Variants in ADORA1 observed in about 807,000 individuals in gnomAD.
ADORA1 encodes the protein adenosine A1 receptor.
In ADORA1, 6 loss-of-function variants were observed where a neutral mutation model predicts 19.9. The ratio of observed to expected loss-of-function variants is 0.30; its 90% CI spans 0.17 to 0.59. The LOEUF (loss-of-function observed/expected upper bound fraction) is 0.59, where lower values mean the gene tolerates loss of function less well. Among genes scored for constraint, ADORA1 ranks in the 20% least tolerant of loss-of-function variants. ADORA1 has a pLI of 0.87. For missense variants in ADORA1, 302 were observed against 439.2 expected (o/e 0.69, Z 2.79); for synonymous variants, 194 against 188.4 (o/e 1.03, Z -0.24).
At position 203,165,562 on chromosome 1, in the gene ADORA1, G is replaced by C. The variant is rs1314427155; in HGVS notation, c.643G>C (p.Val215Leu). ...YLIRKQLNKK[V>L]SASSGDPQKY... ...AATCCGCAAGCAGCTCAACAAGAAG[G>C]TGTCGGCCTCCTCCGGCGACCCGCA... is the stretch of plus-strand genomic sequence containing the variant. The change falls in exon 4 of 4, where the codon GTG becomes CTG. Residue 215 changes from valine to leucine, a missense_variant. By Grantham distance (32) the Val-to-Leu change is conservative. Transcript: ENST00000337894. The surrounding 1 kb of genome is among the most constrained non-coding windows in gnomAD (Gnocchi z 5.9). The C allele has an allele frequency of 1.2e-6, 2 of 1,613,972 alleles. No individual in the cohort carries two copies. The highest frequency in any genetic ancestry group is 2.2e-5 in the East Asian group (1 of 44,870).
chr1:203,144,281 A>G (rs1316919425), intron 3 of ADORA1, among the ~76,000 whole-genome samples: 2 of 152,114 alleles, frequency 1.3e-5, no homozygotes, highest in South Asian at 2.1e-4. Context: ...CGTGTGAGCA[A>G]TTTGAAAGTG....
intron 3 of ADORA1, among the ~76,000 whole-genome samples, chr1:203,143,631 C>A (rs1042694822): frequency 2.0e-5 from 3 of 152,128 alleles, no homozygotes; most frequent in East Asian, 1.9e-4. Flanking sequence ...GGCTTCCAGA[C>A]CTTTCCTTCA....
At chr1:203,152,645 T>A (rs1655074675) in intron 3 of ADORA1, 1 of 152,264 alleles carries the variant, frequency 6.6e-6, no homozygotes, top group Admixed American at 6.5e-5. Flanking sequence ...TAATTGGCCT[T>A]GCTCCTTTTG....
intron 3 of ADORA1, among the ~76,000 whole-genome samples, chr1:203,150,209 G>T (rs766178476): frequency 6.6e-6 from 1 of 152,198 alleles, no homozygotes; most frequent in Non-Finnish European, 1.5e-5. Flanking sequence ...CCCACTGGGT[G>T]AGCCTGGGTG....
chr1:203,141,706 G>A (rs3766564), intron 3 of ADORA1, among the ~76,000 whole-genome samples: 1,769 of 149,510 alleles, frequency 0.012, 48 homozygotes, highest in East Asian at 0.095. Context: ...TCAGCCTCTC[G>A]AGTAGCTGGA....
chr1:203,141,210 T>C (rs1654675823), intron 3 of ADORA1, among the ~76,000 whole-genome samples: 2 of 137,582 alleles, frequency 1.5e-5, no homozygotes, highest in Non-Finnish European at 1.7e-5. Context: ...CATCCTGGCC[T>C]GCTCGTGGCA....
chr1:203,133,553 T>C (rs1184268231), intron 3 of ADORA1, among the ~76,000 whole-genome samples: 1 of 152,268 alleles, frequency 6.6e-6, no homozygotes, highest in Non-Finnish European at 1.5e-5. Flanking sequence ...AGCCCATGTG[T>C]ATCTTGCGTC....
chr1:203,134,936 C>T (rs6427993), intron 3 of ADORA1, among the ~76,000 whole-genome samples: 20,219 of 152,136 alleles, frequency 0.13, 2,529 homozygotes, highest in African/African-American at 0.31. Flanking sequence ...ATTTTTATGG[C>T]GGTATAATAT....
chr1:203,161,446 CTAAA>C (rs1486091542), intron 3 of ADORA1, among the ~76,000 whole-genome samples: 2 of 152,092 alleles, frequency 1.3e-5, no homozygotes, highest in East Asian at 1.9e-4. Context: ...TCTCAATAAA[CTAAA>C]TAAATAAATA....
chr1:203,133,887 A>C (rs531282813), intron 3 of ADORA1, among the ~76,000 whole-genome samples: 1 of 152,204 alleles, frequency 6.6e-6, no homozygotes, highest in Non-Finnish European at 1.5e-5. Flanking sequence ...AGCTGTCCCC[A>C]CCCTGGCTAG....
intron 3 of ADORA1, among the ~76,000 whole-genome samples, chr1:203,135,475 A>G (rs1393635416): frequency 2.0e-5 from 3 of 152,104 alleles, no homozygotes; most frequent in African/African-American, 7.2e-5. Flanking sequence ...CTTGGCCAGC[A>G]TGGTGAAATG....
Position 203,153,656 on chromosome 1 carries a change from C to T in ADORA1, c.342-11605C>T, listed in dbSNP as rs898407836. Among the ~76,000 whole-genome samples the T allele has an allele frequency of 1.6e-4, 24 of 152,248 alleles. No homozygotes were observed. In the South Asian group the frequency reaches 1.7e-3, roughly 11 times the overall value. Reference sequence around the variant, plus strand: ...AGTGATGCCACAGAGCCCCTCACAGCGGGATTCAAGGCAGGATTCTTAGGC... The same window carrying T: ...AGTGATGCCACAGAGCCCCTCACAGTGGGATTCAAGGCAGGATTCTTAGGC... On this transcript the variant is annotated intron_variant, in intron 3 of 3. Transcript: ENST00000337894.
intron 3 of ADORA1, among the ~76,000 whole-genome samples, chr1:203,140,013 G>A (rs1442467214): frequency 1.3e-5 from 2 of 152,148 alleles, no homozygotes; most frequent in East Asian, 1.9e-4. Flanking sequence ...TTTTAAAAAG[G>A]TCAAAAGTCC....
intron 3 of ADORA1, among the ~76,000 whole-genome samples, chr1:203,158,050 C>T (rs1655250753): frequency 6.6e-6 from 1 of 152,198 alleles, no homozygotes; most frequent in South Asian, 2.1e-4. Context: ...TGGCCACATC[C>T]TTAGTATTCT....
At chr1:203,136,280 C>T (rs1654505624) in intron 3 of ADORA1, among the ~76,000 whole-genome samples, 1 of 152,070 alleles carries the variant, frequency 6.6e-6, no homozygotes, top group African/African-American at 2.4e-5. Flanking sequence ...GCATACACGT[C>T]CTCTTAGAAA....
intron 3 of ADORA1, among the ~76,000 whole-genome samples, chr1:203,161,337 G>T (rs1655360337): frequency 6.6e-6 from 1 of 152,150 alleles, no homozygotes; most frequent in South Asian, 2.1e-4. Flanking sequence ...GGGCGTGGTG[G>T]CTCATACCTG....
chr1:203,151,279 C>A (rs932108050), intron 3 of ADORA1, among the ~76,000 whole-genome samples: 1 of 152,134 alleles, frequency 6.6e-6, no homozygotes, highest in African/African-American at 2.4e-5. Flanking sequence ...CGTGACTTCT[C>A]CAGGACCCTG....
At chr1:203,143,152 G>GA in intron 3 of ADORA1, among the ~76,000 whole-genome samples, 1 of 152,272 alleles carries the variant, frequency 6.6e-6, no homozygotes, top group South Asian at 2.1e-4. Context: ...TACAAAGAAA[G>GA]AAAGTTTATT....
In ADORA1 at chr1:203,165,501, C is replaced by T. The variant is rs747980090; in HGVS notation, c.582C>T (p.Leu194=). 19 of 1,613,218 alleles carry T rather than the reference C, an allele frequency of 1.2e-5. No homozygotes were observed. The African/African-American group carries it at 2.4e-4, about 20-fold the overall frequency. ...NFFVWVLPPL[L]LMVLIYLEVF... is the part of the protein sequence containing the mutation. ...TTGTGTGGGTGCTGCCCCCGCTTCT[C>T]CTCATGGTCCTCATCTACCTGGAGG... The change falls in exon 4 of 4, where the codon CTC becomes CTT. Residue 194 remains leucine, a synonymous_variant. Coordinates refer to ENST00000337894, the MANE Select transcript of ADORA1 (RefSeq NM_000674.3). This position sits in a 1 kb window ranked among gnomAD's most constrained non-coding sequence, Gnocchi z 5.9.
Sources: gnomAD v4.1 joint callset for allele counts (sites outside exome capture counted in the v4.1 genomes callset) on GRCh38, gnomAD v4.1.1 for gene constraint, Gnocchi (gnomAD v3.1) non-coding constraint, MANE v1.5 for transcripts, NCBI Gene and HGNC (gene_info 2026-07-23, HGNC 2026-07-21) for gene names.